ATP8A2: variants seen among roughly 807,000 people sequenced by gnomAD.
ATP8A2 encodes ATPase phospholipid transporting 8A2.
In ATP8A2, 100 loss-of-function variants were observed where a neutral mutation model predicts 165.6. The ratio of observed to expected loss-of-function variants is 0.60; its 90% CI spans 0.51 to 0.71. The LOEUF (loss-of-function observed/expected upper bound fraction) is 0.71. Ranked by LOEUF, ATP8A2 falls within the 30% of genes least tolerant of loss-of-function variation. The probability of loss-of-function intolerance (pLI) is 0.00; values close to 1 mark genes in which losing one functional copy is unlikely to be tolerated. For missense variants in ATP8A2, 1,227 were observed against 1,479.5 expected (o/e 0.83, Z 2.80); for synonymous variants, 543 against 548.8 (o/e 0.99, Z 0.15).
chr13:26,012,484 C>G (rs753182745), intron 35 of ATP8A2, 47 bp from the exon 36 acceptor site: 3 of 1,461,638 alleles, frequency 2.1e-6, no homozygotes, highest in Non-Finnish European at 2.8e-6. Context: ...CTTGTGCAAC[C>G]CGAGTGTTCA....
At chr13:25,786,754 GT>G (rs1555266490) in intron 27 of ATP8A2, among the ~76,000 whole-genome samples, 1,392 of 134,608 alleles carry the variant, frequency 0.01, 58 homozygotes, top group African/African-American at 0.026. Flanking sequence ...ACAATTCTAT[GT>G]TTTTTTTTTT....
At chr13:25,559,131 C>T (rs1178637185) in intron 14 of ATP8A2, 70 bp downstream of exon 14, 14 of 1,072,522 alleles carry the variant, frequency 1.3e-5, no homozygotes, top group Non-Finnish European at 8.5e-6. Flanking sequence ...TTTTTAGCTA[C>T]TTAGTCAAAT....
At chr13:25,418,736 G>A (rs956947635) in intron 1 of ATP8A2, among the ~76,000 whole-genome samples, 11 of 152,074 alleles carry the variant, frequency 7.2e-5, no homozygotes, top group Non-Finnish European at 8.8e-5. Flanking sequence ...TCCACAATTC[G>A]CAGAGCTCAG....
rs1378024638 is a variant in ATP8A2 at position 25,545,614 on chromosome 13, A to G, written c.891+2212A>G. Among the ~76,000 whole-genome samples, 4 of 152,114 alleles carry G rather than the reference A, an allele frequency of 2.6e-5. No individual in the cohort carries two copies. In the East Asian group the frequency reaches 5.8e-4, roughly 22 times the overall value. On this transcript the variant is annotated intron_variant, in intron 10 of 36. Transcript: ENST00000381655. ...CGCTTTGGGAGCTCCACTAACCACA[A>G]ATCACTACTTCTGGCTTTTGTTTGT... is the stretch of plus-strand genomic sequence containing the variant.
At chr13:25,751,525 C>T (rs2044153338) in intron 25 of ATP8A2, among the ~76,000 whole-genome samples, 1 of 152,124 alleles carries the variant, frequency 6.6e-6, no homozygotes, top group African/African-American at 2.4e-5. Flanking sequence ...CAGCCTCCAA[C>T]TCCTGGATTC....
rs1226525910 is a variant in ATP8A2, at chr13:25,533,376, G to T, written c.507+63G>T. On this transcript the variant is annotated intron_variant, in intron 6 of 36. Transcript: ENST00000381655. Reference sequence around the variant, plus strand: ...TTTGAAGACGCGTAATGAATTGCTGGTCTTGATTGCAGTATAAAGTTTCTG... The same window carrying T: ...TTTGAAGACGCGTAATGAATTGCTGTTCTTGATTGCAGTATAAAGTTTCTG... The T allele has an allele frequency of 2.0e-5, 18 of 915,972 alleles. No homozygotes were observed. In the East Asian group the frequency reaches 4.4e-4, roughly 23 times the overall value. The allele number at this position is 915,972 out of a possible 1,614,324, so 56.7% of individuals were successfully genotyped here.
intron 1 of ATP8A2, among the ~76,000 whole-genome samples, chr13:25,380,885 G>C (rs1042081153): frequency 6.6e-6 from 1 of 152,038 alleles, no homozygotes; most frequent in Admixed American, 6.5e-5. Context: ...GATTCCCCAA[G>C]TATTAAAAAA....
intron 2 of ATP8A2, among the ~76,000 whole-genome samples, chr13:25,520,835 C>T (rs926375955): frequency 2.6e-5 from 4 of 151,982 alleles, no homozygotes; most frequent in Admixed American, 1.3e-4. Context: ...AGGATGGTCT[C>T]GATTTCCTGA....
chr13:25,785,693 A>G (rs1247999300), intron 27 of ATP8A2, among the ~76,000 whole-genome samples: 9 of 152,168 alleles, frequency 5.9e-5, no homozygotes, highest in Non-Finnish European at 8.8e-5. Flanking sequence ...TTCTCTCTCT[A>G]TACCCAAATA....
intron 2 of ATP8A2, among the ~76,000 whole-genome samples, chr13:25,528,789 A>G (rs1486912724): frequency 5.3e-5 from 4 of 75,352 alleles, no homozygotes; most frequent in African/African-American, 1.7e-4. Flanking sequence ...CATATGCAAC[A>G]TGTGTATGCA....
intron 35 of ATP8A2, among the ~76,000 whole-genome samples, chr13:25,993,854 G>A (rs1956441776): frequency 6.6e-6 from 1 of 151,930 alleles, no homozygotes; most frequent in Non-Finnish European, 1.5e-5. Flanking sequence ...TTTTGGAATG[G>A]TCTCATCTGT....
chr13:25,396,460 A>T (rs1455060362), intron 1 of ATP8A2, among the ~76,000 whole-genome samples: 1 of 152,014 alleles, frequency 6.6e-6, no homozygotes, highest in Non-Finnish European at 1.5e-5. Context: ...GGATGATGGG[A>T]CTGAGAGACA....
intron 30 of ATP8A2, among the ~76,000 whole-genome samples, chr13:25,849,760 G>A (rs9511937): frequency 0.13 from 20,238 of 152,166 alleles, 1,606 homozygotes; most frequent in Non-Finnish European, 0.18. Context: ...ACTGATAGGA[G>A]TCTGGAAGAA....
In ATP8A2 at chr13:25,551,456, A is replaced by G. The variant is rs1402938008; in HGVS notation, c.1010A>G (p.Tyr337Cys). Residue 337 changes from tyrosine (Y) to cysteine (C), a missense_variant, in exon 11 of 37, where the codon TAC becomes TGC. Coordinates refer to ENST00000381655, the MANE Select transcript of ATP8A2 (RefSeq NM_016529.6). ...TTGGTGAGCTCGGCGGGGGCCCTGTACTGGAACAGGTCTCATGGTGAAAAG... is the reference window on the plus strand; with the variant it reads ...TTGGTGAGCTCGGCGGGGGCCCTGTGCTGGAACAGGTCTCATGGTGAAAAG... ...MALVSSAGAL[Y>C]WNRSHGEKNW... is the part of the protein sequence containing the mutation. 15 of 1,613,944 alleles carry G rather than the reference A, an allele frequency of 9.3e-6. No homozygotes were observed. Among genetic ancestry groups the G allele is most frequent in the East Asian group, 2.2e-5 (1 of 44,878 alleles).
intron 10 of ATP8A2, among the ~76,000 whole-genome samples, chr13:25,545,254 C>T (rs2038611286): frequency 6.6e-6 from 1 of 152,072 alleles, no homozygotes; most frequent in African/African-American, 2.4e-5. Context: ...AGAGGCAGCT[C>T]TTGGGTGGAT....
intron 24 of ATP8A2, among the ~76,000 whole-genome samples, chr13:25,681,630 A>C (rs1482957831): frequency 6.6e-6 from 1 of 152,204 alleles, no homozygotes; most frequent in African/African-American, 2.4e-5. Context: ...CTCCTGGTGG[A>C]AAAAGAAAAA....
chr13:25,959,102 G>C (rs975008538), intron 33 of ATP8A2, among the ~76,000 whole-genome samples: 2 of 152,190 alleles, frequency 1.3e-5, no homozygotes, highest in Non-Finnish European at 2.9e-5. Flanking sequence ...TCTGTAGCAT[G>C]AGCAAAACCC....
At chr13:25,815,179 A>C (rs1431698369) in intron 27 of ATP8A2, among the ~76,000 whole-genome samples, 6 of 152,118 alleles carry the variant, frequency 3.9e-5, no homozygotes, top group African/African-American at 4.8e-5. Flanking sequence ...ATAGGCAACA[A>C]CACCAAAAAA....
chr13:25,839,425 G>A, intron 29 of ATP8A2, 121 bp from the exon 30 acceptor site: 1 of 614,466 alleles, frequency 1.6e-6, no homozygotes, highest in Non-Finnish European at 3.0e-6. Context: ...AGAATAATAT[G>A]CTACTCCTGG....
Sources: gnomAD v4.1 joint callset for allele counts (sites outside exome capture counted in the v4.1 genomes callset) on GRCh38, gnomAD v4.1.1 for gene constraint, MANE v1.5 for transcripts, NCBI Gene and HGNC (gene_info 2026-07-23, HGNC 2026-07-21) for gene names.